The following SLC4A4 variants were observed in gnomAD, a reference collection of about 807,000 sequenced individuals.
The protein encoded by SLC4A4 is electrogenic sodium bicarbonate cotransporter 1.
Under a neutral mutation model 111.5 loss-of-function variants are expected in SLC4A4, and 27 were observed. That is an observed-to-expected ratio of 0.24 (90% CI 0.18 to 0.33). The LOEUF is 0.33. Among genes scored for constraint, SLC4A4 ranks in the 10% least tolerant of loss-of-function variants. SLC4A4 has a pLI of 1.00. For synonymous variants in SLC4A4, 443 were observed against 463.4 expected (o/e 0.96, Z 0.57); for missense variants, 909 against 1,315.5 (o/e 0.69, Z 4.78).
chr4:71,483,111 T>G (rs149046841), intron 14 of SLC4A4, among the ~76,000 whole-genome samples: 11 of 151,788 alleles, frequency 7.2e-5, no homozygotes, highest in African/African-American at 2.7e-4. Context: ...ATCTTCTTCC[T>G]TTTGAGAATG....
At chr4:71,248,209 C>G (rs536520824) in intron 2 of SLC4A4, among the ~76,000 whole-genome samples, 1 of 152,044 alleles carries the variant, frequency 6.6e-6, no homozygotes, top group African/African-American at 2.4e-5. Flanking sequence ...ATTATCAGGG[C>G]TGGAGGTGGG....
chr4:71,538,281 A>T lies in SLC4A4; in HGVS notation c.2442+3893A>T, dbSNP rs192641501. Among the ~76,000 whole-genome samples, 485 of 152,256 alleles carry T rather than the reference A, an allele frequency of 3.2e-3. 4 individuals carry two copies. The highest frequency in any genetic ancestry group is 0.011 in the African/African-American group (449 of 41,570). On this transcript the variant is annotated intron_variant, in intron 18 of 25. Coordinates refer to ENST00000264485, the MANE Select transcript of SLC4A4 (RefSeq NM_001098484.3). ...AGTTTAGGAATGATAAAATACAGACATTTTTAATCTTATTTTCAGTAGAAA... is the reference window on the plus strand; with the variant it reads ...AGTTTAGGAATGATAAAATACAGACTTTTTTAATCTTATTTTCAGTAGAAA...
chr4:71,349,852 G>A, intron 4 of SLC4A4, 60 bp from the exon 5 acceptor site: 1 of 1,548,332 alleles, frequency 6.5e-7, no homozygotes, highest in Non-Finnish European at 8.9e-7. Context: ...GGTTGAGACT[G>A]CTATTTCTAG....
chr4:71,201,319 AC>A (rs1474485433), intron 1 of SLC4A4, among the ~76,000 whole-genome samples: 1 of 152,154 alleles, frequency 6.6e-6, no homozygotes, highest in Non-Finnish European at 1.5e-5. Context: ...TCCCACAACA[AC>A]TGGTCATGAT....
intron 15 of SLC4A4, among the ~76,000 whole-genome samples, chr4:71,487,612 A>C (rs1183324744): frequency 1.3e-5 from 2 of 151,654 alleles, no homozygotes; most frequent in Non-Finnish European, 3.0e-5. Flanking sequence ...GAAAAAGGGG[A>C]AAGTGCTGTT....
At chr4:71,505,425 A>G (rs912474911) in intron 16 of SLC4A4, among the ~76,000 whole-genome samples, 1 of 149,390 alleles carries the variant, frequency 6.7e-6, no homozygotes, top group African/African-American at 2.5e-5. Flanking sequence ...TGCAGTTTTG[A>G]TTTGCATTTC....
chr4:71,174,112 G>C (rs1213716476), intron 2 of SLC4A4, among the ~76,000 whole-genome samples: 1 of 152,084 alleles, frequency 6.6e-6, no homozygotes, highest in Non-Finnish European at 1.5e-5. Context: ...ATTGTGCTTA[G>C]ATAAAAGTAC....
intron 7 of SLC4A4, among the ~76,000 whole-genome samples, chr4:71,426,112 T>A (rs1723104180): frequency 6.6e-6 from 1 of 151,912 alleles, no homozygotes; most frequent in Non-Finnish European, 1.5e-5. Flanking sequence ...AAGGCTGGAA[T>A]TTTTTTTATT....
chr4:71,420,508 A>G (rs1405912174), intron 7 of SLC4A4, among the ~76,000 whole-genome samples: 2 of 152,076 alleles, frequency 1.3e-5, no homozygotes, highest in Non-Finnish European at 2.9e-5. Context: ...ACTCCTCGAG[A>G]AGAGCAACTC....
At chr4:71,098,213 G>A (rs1399141681) in intron 2 of SLC4A4, among the ~76,000 whole-genome samples, 2 of 152,164 alleles carry the variant, frequency 1.3e-5, no homozygotes, top group African/African-American at 4.8e-5. Flanking sequence ...ATGGTGTAAG[G>A]AAAGGGTCCA....
At chr4:71,158,856 C>G (rs2148976431) in intron 2 of SLC4A4, among the ~76,000 whole-genome samples, 1 of 152,212 alleles carries the variant, frequency 6.6e-6, no homozygotes, top group African/African-American at 2.4e-5. Flanking sequence ...TCAGAGTGCA[C>G]TTCACGGAGA....
At chr4:71,460,410 G>C (rs1726708152) in intron 12 of SLC4A4, among the ~76,000 whole-genome samples, 1 of 152,094 alleles carries the variant, frequency 6.6e-6, no homozygotes. Context: ...TCCATGTCTT[G>C]CTCATCCAGC....
At chr4:71,527,778 G>A (rs1459950098) in intron 16 of SLC4A4, among the ~76,000 whole-genome samples, 2 of 152,102 alleles carry the variant, frequency 1.3e-5, no homozygotes, top group South Asian at 2.1e-4. Context: ...CCAAGTGGAG[G>A]TGTCAGGTAG....
At chr4:71,565,817 C>T (rs150233275) in intron 24 of SLC4A4, among the ~76,000 whole-genome samples, 49 of 151,926 alleles carry the variant, frequency 3.2e-4, no homozygotes, top group African/African-American at 1.1e-3. Flanking sequence ...GTGTCTGCTT[C>T]CAAAAGCATA....
chr4:71,300,767 G>C (rs1725188138), intron 3 of SLC4A4: 1 of 364,848 alleles, frequency 2.7e-6, no homozygotes, highest in African/African-American at 2.1e-5. Context: ...AGGCCATCTG[G>C]TGGATAGCAG....
chr4:71,442,912 A>G (rs1419327078), intron 8 of SLC4A4, among the ~76,000 whole-genome samples: 1 of 151,730 alleles, frequency 6.6e-6, no homozygotes, highest in Non-Finnish European at 1.5e-5. Context: ...CTGGATGACT[A>G]TCAACCGGGT....
At chr4:71,386,833 C>A (rs1718774379) in intron 6 of SLC4A4, among the ~76,000 whole-genome samples, 1 of 152,074 alleles carries the variant, frequency 6.6e-6, no homozygotes, top group Non-Finnish European at 1.5e-5. Flanking sequence ...CTTTGACTTC[C>A]TCTCTTAAAC....
At chr4:71,089,724 G>A (rs1742319809) in intron 1 of SLC4A4, among the ~76,000 whole-genome samples, 1 of 151,944 alleles carries the variant, frequency 6.6e-6, no homozygotes, top group African/African-American at 2.4e-5. Flanking sequence ...TATTGGTGAA[G>A]AGCAAATGTT....
chr4:71,451,372 C>T (rs768041723), intron 11 of SLC4A4, 71 bp downstream of exon 11: 61 of 972,024 alleles, frequency 6.3e-5, no homozygotes, highest in Non-Finnish European at 9.5e-5. Flanking sequence ...CATCTATCAA[C>T]ATATTATTCA....
Sources: allele counts gnomAD v4.1 joint callset (sites outside exome capture counted in the v4.1 genomes callset), GRCh38; gene constraint gnomAD v4.1.1; transcripts MANE v1.5; gene names NCBI Gene and HGNC (gene_info 2026-07-23, HGNC 2026-07-21).